Variants in FMNL2 observed in about 807,000 individuals in gnomAD.
FMNL2 encodes the protein formin like 2.
FMNL2 carries 51 observed loss-of-function variants against 130.2 expected under a neutral mutation model. The ratio of observed to expected loss-of-function variants is 0.39; its 90% CI spans 0.31 to 0.49. The LOEUF is 0.49. FMNL2 is among the 20% of genes least tolerant of loss of function. FMNL2 has a pLI of 0.85. For synonymous variants in FMNL2, 465 were observed against 467.1 expected (o/e 1.00, Z 0.06); for missense variants, 977 against 1,316.2 (o/e 0.74, Z 3.99).
chr2:152,640,352 CAG>C, intron 24 of FMNL2, among the ~76,000 whole-genome samples: 1 of 152,210 alleles, frequency 6.6e-6, no homozygotes. Context: ...GCTTAGCATC[CAG>C]AGAAGGCTTT....
intron 1 of FMNL2, chr2:152,390,745 C>T (rs140379133): frequency 1.6e-5 from 10 of 643,928 alleles, no homozygotes; most frequent in Non-Finnish European, 2.8e-5. Flanking sequence ...AGGCATGGGA[C>T]TGGCCTAGAC....
chr2:152,429,108 C>G (rs1454718603), intron 1 of FMNL2, among the ~76,000 whole-genome samples: 1 of 150,812 alleles, frequency 6.6e-6, no homozygotes, highest in Non-Finnish European at 1.5e-5. Flanking sequence ...ATGGGATGAT[C>G]TGTGCAGCAA....
rs1033750952 is a variant in FMNL2 at position 152,390,263 on chromosome 2, G to C, written c.117+54543G>C. On this transcript the variant is annotated intron_variant, in intron 1 of 25. Transcript: ENST00000288670. ...TGGACATCCAGGGGCAGCACCTCCG[G>C]GTGGGGCTCAAGGGGCAGCCAGCAA... 17 of 1,447,792 alleles carry C rather than the reference G, an allele frequency of 1.2e-5. No individual in the cohort carries two copies. The Admixed American group carries it at 2.7e-4, about 23-fold the overall frequency. The allele number at this position is 1,447,792 out of a possible 1,614,324, so 89.7% of individuals were successfully genotyped here.
At chr2:152,554,290 C>T (rs2346185) in intron 4 of FMNL2, among the ~76,000 whole-genome samples, 82,431 of 151,820 alleles carry the variant, frequency 0.54, 22,979 homozygotes, top group Non-Finnish European at 0.61. Context: ...TCCTGGAGTC[C>T]CAGCTACTCA....
At chr2:152,421,999 C>T (rs6434025) in intron 1 of FMNL2, among the ~76,000 whole-genome samples, 151,584 of 152,328 alleles carry the variant, frequency 1, 75,427 homozygotes, top group Middle Eastern at 1. Flanking sequence ...ATGAGGAAAC[C>T]GGTGTGGATA....
intron 1 of FMNL2, among the ~76,000 whole-genome samples, chr2:152,354,050 T>C (rs907136979): frequency 1.6e-4 from 25 of 152,132 alleles, no homozygotes; most frequent in Admixed American, 1.0e-3. Context: ...ATGTTGACTC[T>C]TGTATATTTT....
At chr2:152,537,236 C>G (rs189097723) in intron 2 of FMNL2, among the ~76,000 whole-genome samples, 52 of 152,324 alleles carry the variant, frequency 3.4e-4, no homozygotes, top group Non-Finnish European at 6.2e-4. Flanking sequence ...CACAGCCCGT[C>G]ACTTAGTTCT....
intron 25 of FMNL2, among the ~76,000 whole-genome samples, chr2:152,641,318 A>AAC (rs775610603): frequency 5.9e-5 from 9 of 152,210 alleles, no homozygotes; most frequent in Non-Finnish European, 1.0e-4. Flanking sequence ...AAAGTAACTG[A>AAC]AGTCAGTAGG....
rs541181544 is a variant in FMNL2, at chr2:152,584,817, T to C, written c.876+3768T>C. 5.3e-5 allele frequency among the ~76,000 whole-genome samples: 8 copies of C among 152,358 alleles called. No homozygotes were observed. The East Asian group carries it at 1.5e-3, about 29-fold the overall frequency. On this transcript the variant is annotated intron_variant, in intron 9 of 25. Transcript: ENST00000288670. ...ATGAATATTTAGAATCCCAATCTTA[T>C]ATTTTTTTTCCTTAAAAAATCTTGC...
chr2:152,486,058 C>T (rs1471197626), intron 1 of FMNL2, among the ~76,000 whole-genome samples: 1 of 152,024 alleles, frequency 6.6e-6, no homozygotes, highest in Non-Finnish European at 1.5e-5. Context: ...ATCTTGAGGC[C>T]TAAGATAAAT....
intron 1 of FMNL2, among the ~76,000 whole-genome samples, chr2:152,410,916 C>A (rs1686249255): frequency 6.6e-6 from 1 of 152,128 alleles, no homozygotes; most frequent in South Asian, 2.1e-4. Context: ...CTGCTAGTTC[C>A]CTTTGCCCCA....
chr2:152,599,038 T>A (rs1697906219), intron 9 of FMNL2, among the ~76,000 whole-genome samples: 1 of 152,200 alleles, frequency 6.6e-6, no homozygotes. Context: ...AAGATGGATG[T>A]CCCAGCTCAA....
chr2:152,610,988 C>T (rs1032542963), intron 10 of FMNL2, among the ~76,000 whole-genome samples: 93 of 152,042 alleles, frequency 6.1e-4, no homozygotes, highest in Non-Finnish European at 7.4e-5. Flanking sequence ...TGAGTGGGTG[C>T]GAAGTGGTGT....
At chr2:152,352,856 C>T (rs2272536) in intron 1 of FMNL2, among the ~76,000 whole-genome samples, 22,523 of 61,838 alleles carry the variant, frequency 0.36, 1,811 homozygotes, top group East Asian at 0.54. Flanking sequence ...GTGTGGTAAG[C>T]CTTTGCTCAG....
At position 152,345,362 on chromosome 2, in the gene FMNL2, CT is replaced by C. The variant is rs1044918644; in HGVS notation, c.117+9650del. On this transcript the variant is annotated intron_variant, in intron 1 of 25. Coordinates refer to ENST00000288670, the MANE Select transcript of FMNL2 (RefSeq NM_052905.4). ...AATTGAATAAAAAAGGAATAACATT[CT>C]TTTTTTTATTGGCATAGAAGGAAGC... 6.4e-4 allele frequency among the ~76,000 whole-genome samples: 98 copies of C among 152,042 alleles called. 1 individual carries two copies. Among genetic ancestry groups the C allele is most frequent in the Middle Eastern group, 3.4e-3 (1 of 294 alleles).
At chr2:152,375,881 A>C (rs60905588) in intron 1 of FMNL2, among the ~76,000 whole-genome samples, 9,535 of 78,566 alleles carry the variant, frequency 0.12, 364 homozygotes, top group Admixed American at 0.17. Context: ...CTCTCTCTAT[A>C]TATATATATA....
intron 9 of FMNL2, 125 bp from the exon 10 acceptor site, chr2:152,607,213 TA>T (rs1559003440): frequency 1.3e-6 from 1 of 760,814 alleles, no homozygotes; most frequent in Non-Finnish European, 2.2e-6. Context: ...AGAAGGGAAG[TA>T]AATAGTTTAT....
chr2:152,560,324 CA>C (rs36066021), intron 5 of FMNL2, among the ~76,000 whole-genome samples: 111,831 of 151,934 alleles, frequency 0.74, 41,394 homozygotes, highest in East Asian at 0.81. Context: ...GTAATAACCT[CA>C]AAAAATGTCA....
intron 1 of FMNL2, among the ~76,000 whole-genome samples, chr2:152,450,595 C>T (rs1444330763): frequency 6.6e-6 from 1 of 152,216 alleles, no homozygotes; most frequent in Non-Finnish European, 1.5e-5. Flanking sequence ...ATTATCCAGA[C>T]TGCTGCATAT....
Sources: allele counts gnomAD v4.1 joint callset (sites outside exome capture counted in the v4.1 genomes callset), GRCh38; gene constraint gnomAD v4.1.1; transcripts MANE v1.5; gene names NCBI Gene and HGNC (gene_info 2026-07-23, HGNC 2026-07-21).